The following HS6ST2 variants were observed in gnomAD, a reference collection of about 807,000 sequenced individuals.
The protein encoded by HS6ST2 is heparan-sulfate 6-O-sulfotransferase 2.
In HS6ST2, 17 loss-of-function variants were observed where a neutral mutation model predicts 33.0. That is an observed-to-expected ratio of 0.52 (90% confidence interval 0.35 to 0.77). HS6ST2 has a LOEUF of 0.77. Ranked by LOEUF, HS6ST2 falls within the 30% of genes least tolerant of loss-of-function variation. HS6ST2 has a pLI of 0.01. For synonymous variants in HS6ST2, 248 were observed against 237.1 expected, an observed-to-expected ratio of 1.05 and a Z score of -0.42; for missense variants, 519 against 551.7, an observed-to-expected ratio of 0.94 and a Z score of 0.59.
At chrX:132,670,940 A>G (rs2063869011) in intron 3 of HS6ST2, among the ~76,000 whole-genome samples, 1 of 112,343 alleles carries the variant, frequency 8.9e-6, no homozygotes, top group Admixed American at 9.4e-5. Context: ...CACACATTCT[A>G]TCCCAGAGGA....
At chrX:132,772,197 A>G (rs1175926988) in intron 2 of HS6ST2, among the ~76,000 whole-genome samples, 1 of 111,302 alleles carries the variant, frequency 9.0e-6, no homozygotes, top group Non-Finnish European at 1.9e-5. Flanking sequence ...ACACACACAA[A>G]ATGTGGTTTC....
At chrX:132,708,299 TAAAAAAAAA>T (rs36028236) in intron 3 of HS6ST2, among the ~76,000 whole-genome samples, 154 bp downstream of exon 3, 6 of 21,202 alleles carry the variant, frequency 2.8e-4, no homozygotes, top group Admixed American at 8.1e-4. Context: ...TGTTTTAAAC[TAAAAAAAAA>T]AAAAAAAAAA....
At chrX:132,784,079 C>T (rs910616650) in intron 2 of HS6ST2, among the ~76,000 whole-genome samples, 14 of 111,180 alleles carry the variant, frequency 1.3e-4, no homozygotes, top group Non-Finnish European at 2.3e-4. Context: ...TCACTCTTGT[C>T]ACCATGAAGA....
chrX:132,630,250 C>G (rs2063508009), intron 4 of HS6ST2, among the ~76,000 whole-genome samples: 1 of 112,476 alleles, frequency 8.9e-6, no homozygotes, highest in Admixed American at 9.4e-5. Flanking sequence ...CATTTAGCTT[C>G]TTAAAGGAAA....
At position 132,903,510 on chromosome X, in the gene HS6ST2, T is replaced by C. The variant is rs376829775; in HGVS notation, c.947+53298A>G. Among the ~76,000 whole-genome samples, 6 of 111,619 alleles carry C rather than the reference T, an allele frequency of 5.4e-5. No homozygotes were observed. In the East Asian group the frequency reaches 1.4e-3, roughly 26 times the overall value. Reference sequence around the variant, plus strand: ...AACAATCATGAAAACCAGAACAAAGTTGGAGGACTCACTTCTCAATTTCAA... The same window carrying C: ...AACAATCATGAAAACCAGAACAAAGCTGGAGGACTCACTTCTCAATTTCAA... On this transcript the variant is annotated intron_variant, in intron 2 of 4. Coordinates refer to ENST00000370833, the MANE Select transcript of HS6ST2 (RefSeq NM_001394073.1).
intron 2 of HS6ST2, among the ~76,000 whole-genome samples, chrX:132,821,251 C>T (rs753764733): frequency 4.1e-5 from 4 of 96,561 alleles, no homozygotes; most frequent in South Asian, 1.1e-3. Context: ...CTCTCTCTGT[C>T]GCCCAGGCTG....
chrX:132,684,603 A>G (rs1453015442), intron 3 of HS6ST2, among the ~76,000 whole-genome samples: 1 of 110,452 alleles, frequency 9.1e-6, no homozygotes, highest in Non-Finnish European at 1.9e-5. Flanking sequence ...GGACAATAGG[A>G]AGGATTGCTC....
intron 4 of HS6ST2, among the ~76,000 whole-genome samples, chrX:132,639,710 G>A (rs768684166): frequency 2.1e-4 from 23 of 111,977 alleles, no homozygotes; most frequent in African/African-American, 7.1e-4. Flanking sequence ...AGAGCTAGGG[G>A]TTGGTTCTCT....
At position 132,723,980 on chromosome X, in the gene HS6ST2, CA is replaced by C. The variant is rs59348727; in HGVS notation, c.948-15487del. On this transcript the variant is annotated intron_variant, in intron 2 of 4. Transcript: ENST00000370833. ...TGAAACCCCATCTCTACTAAAAATA[CA>C]AAAAAAAAATTAGCCAGGTGTGGTG... 7.6e-3 allele frequency among the ~76,000 whole-genome samples: 809 copies of C among 106,798 alleles called. 5 individuals carry two copies. The highest frequency in any genetic ancestry group is 0.011 in the Non-Finnish European group (561 of 51,419). 92.7% of individuals were successfully genotyped at this position (106,798 alleles called of 115,157 possible). A position where few individuals can be genotyped will look rare whatever the true frequency, so the allele number is the denominator to read the frequency against.
At chrX:132,888,248 T>C (rs1305713503) in intron 2 of HS6ST2, among the ~76,000 whole-genome samples, 1 of 110,768 alleles carries the variant, frequency 9.0e-6, no homozygotes, top group Non-Finnish European at 1.9e-5. Flanking sequence ...GACTCTTAGT[T>C]CCACATGGCT....
intron 2 of HS6ST2, among the ~76,000 whole-genome samples, chrX:132,905,791 A>G (rs1353510911): frequency 3.6e-5 from 4 of 111,968 alleles, no homozygotes; most frequent in Admixed American, 2.8e-4. Context: ...TAATTTAGCT[A>G]TTTCCGTTAC....
chrX:132,941,279 A>G (rs2066883741), intron 2 of HS6ST2, among the ~76,000 whole-genome samples: 1 of 111,675 alleles, frequency 9.0e-6, no homozygotes, highest in Admixed American at 9.6e-5. Flanking sequence ...TCTAACTGAG[A>G]TGAGCTGAGC....
intron 2 of HS6ST2, 153 bp from the exon 3 acceptor site, chrX:132,708,647 C>A: frequency 2.2e-6 from 1 of 455,138 alleles, no homozygotes; most frequent in Non-Finnish European, 3.8e-6. Context: ...CACTTTGTTC[C>A]CCACTGGCTC....
chrX:132,818,152 C>T lies in HS6ST2; in HGVS notation c.948-109658G>A, dbSNP rs144787941. On this transcript the variant is annotated intron_variant, in intron 2 of 4. Coordinates refer to ENST00000370833, the MANE Select transcript of HS6ST2 (RefSeq NM_001394073.1). ...TCCCAAAAGGTTTGTAATCCTAATA[C>T]ACGTGTGCCCCAACCCCTAGTTATT... Among the ~76,000 whole-genome samples, 23 of 110,606 alleles carry T rather than the reference C, an allele frequency of 2.1e-4. 1 individual carries two copies. The East Asian group carries it at 6.0e-3, about 29-fold the overall frequency.
At chrX:132,719,167 A>G (rs2064305328) in intron 2 of HS6ST2, among the ~76,000 whole-genome samples, 1 of 111,398 alleles carries the variant, frequency 9.0e-6, no homozygotes, top group African/African-American at 3.3e-5. Flanking sequence ...TCAGAATTTG[A>G]CCTTGACATC....
intron 2 of HS6ST2, among the ~76,000 whole-genome samples, chrX:132,867,501 A>T: frequency 9.0e-6 from 1 of 111,607 alleles, no homozygotes; most frequent in Non-Finnish European, 1.9e-5. Context: ...TCATAGAATG[A>T]GTTAGGGAGG....
intron 2 of HS6ST2, among the ~76,000 whole-genome samples, chrX:132,867,032 G>A (rs1412296698): frequency 2.4e-5 from 2 of 83,602 alleles, no homozygotes; most frequent in Non-Finnish European, 4.6e-5. Context: ...TAGGAGTGGT[G>A]AGAGAGGGCA....
At chrX:132,745,364 C>T (rs927152157) in intron 2 of HS6ST2, among the ~76,000 whole-genome samples, 2 of 111,677 alleles carry the variant, frequency 1.8e-5, no homozygotes, top group Non-Finnish European at 3.8e-5. Flanking sequence ...GGATTACAGG[C>T]GTGAGCCACC....
At chrX:132,918,565 T>C (rs2066618831) in intron 2 of HS6ST2, among the ~76,000 whole-genome samples, 1 of 111,914 alleles carries the variant, frequency 8.9e-6, no homozygotes, top group African/African-American at 3.2e-5. Flanking sequence ...TATTTTCCCC[T>C]ACCCCTTCAG....
Sources: gnomAD v4.1 joint callset for allele counts (sites outside exome capture counted in the v4.1 genomes callset) on GRCh38, gnomAD v4.1.1 for gene constraint, MANE v1.5 for transcripts, NCBI Gene and HGNC (gene_info 2026-07-23, HGNC 2026-07-21) for gene names.